SHISA9: variants seen among roughly 807,000 people sequenced by gnomAD.
SHISA9 encodes protein shisa-9.
In SHISA9, 13 loss-of-function variants were observed where a neutral mutation model predicts 38.0. That is an observed-to-expected ratio of 0.34 (90% confidence interval 0.22 to 0.54). The LOEUF (loss-of-function observed/expected upper bound fraction) is 0.54, where lower values mean the gene tolerates loss of function less well. SHISA9 is among the 20% of genes least tolerant of loss of function. SHISA9 has a pLI of 0.91. For synonymous variants in SHISA9, 275 were observed against 242.0 expected, an observed-to-expected ratio of 1.14 and a Z score of -1.27; for missense variants, 538 against 575.8, an observed-to-expected ratio of 0.93 and a Z score of 0.67.
intron 2 of SHISA9, among the ~76,000 whole-genome samples, chr16:13,144,423 T>A (rs2050429334): frequency 6.6e-6 from 1 of 152,096 alleles, no homozygotes; most frequent in Non-Finnish European, 1.5e-5. Flanking sequence ...AGTGCTGGGA[T>A]TACAGGTGTG....
intron 4 of SHISA9, among the ~76,000 whole-genome samples, chr16:13,230,298 G>C (rs1380103739): frequency 6.6e-6 from 1 of 152,156 alleles, no homozygotes; most frequent in African/African-American, 2.4e-5. Flanking sequence ...CTCAAAGACT[G>C]CAACATGGAG....
the SHISA9 span, among the ~76,000 whole-genome samples, chr16:13,270,404 G>A: frequency 6.6e-6 from 1 of 152,076 alleles, no homozygotes; most frequent in South Asian, 2.1e-4. Flanking sequence ...AAGCAGACTT[G>A]GAAACAGAAT....
chr16:13,281,898 C>A, the SHISA9 span, among the ~76,000 whole-genome samples: 1 of 151,624 alleles, frequency 6.6e-6, no homozygotes, highest in Non-Finnish European at 1.5e-5. Context: ...TTACCCAGCA[C>A]CCTTATGATG....
chr16:13,462,051 C>G, the SHISA9 span, among the ~76,000 whole-genome samples: 1 of 151,974 alleles, frequency 6.6e-6, no homozygotes, highest in Admixed American at 6.6e-5. Flanking sequence ...AGGAGGATCA[C>G]TTGAGGACAG....
the SHISA9 span, among the ~76,000 whole-genome samples, chr16:13,554,084 ATAAC>A: frequency 5.9e-3 from 891 of 152,260 alleles, 3 homozygotes; most frequent in Middle Eastern, 0.014. Flanking sequence ...ATAAAAAAAA[ATAAC>A]TAGCATCTAT....
At chr16:13,221,173 G>A (rs1022598533) in intron 4 of SHISA9, among the ~76,000 whole-genome samples, 2 of 152,170 alleles carry the variant, frequency 1.3e-5, no homozygotes, top group African/African-American at 4.8e-5. Context: ...GTGCCCCGTG[G>A]GGAGGGCCAG....
chr16:13,471,799 T>A, the SHISA9 span, among the ~76,000 whole-genome samples: 1 of 152,056 alleles, frequency 6.6e-6, no homozygotes, highest in Non-Finnish European at 1.5e-5. Context: ...CAGCCACAGA[T>A]AAGCAAAAGT....
chr16:13,361,637 C>G, the SHISA9 span, among the ~76,000 whole-genome samples: 2 of 152,170 alleles, frequency 1.3e-5, no homozygotes, highest in African/African-American at 2.4e-5. Flanking sequence ...AAACATGAAT[C>G]TTTTTCCTAA....
intron 2 of SHISA9, among the ~76,000 whole-genome samples, chr16:13,000,408 G>A (rs970259731): frequency 1.2e-4 from 18 of 152,160 alleles, no homozygotes; most frequent in African/African-American, 3.9e-4. Flanking sequence ...GCCTCAGACT[G>A]ATCCTGCGCA....
the SHISA9 span, among the ~76,000 whole-genome samples, chr16:13,495,826 C>T: frequency 1.6e-3 from 236 of 152,172 alleles, 1 homozygote; most frequent in Non-Finnish European, 3.7e-4. Context: ...GTACAAAACA[C>T]TTTAGAAACT....
intron 2 of SHISA9, among the ~76,000 whole-genome samples, chr16:13,023,026 A>T (rs1394401500): frequency 1.4e-5 from 2 of 142,822 alleles, no homozygotes; most frequent in African/African-American, 2.5e-5. Context: ...TTATTTATTT[A>T]TTTTTTATTA....
intron 1 of SHISA9, among the ~76,000 whole-genome samples, chr16:12,915,538 G>C (rs2071242415): frequency 6.6e-6 from 1 of 152,214 alleles, no homozygotes; most frequent in African/African-American, 2.4e-5. Flanking sequence ...TAACAAATGG[G>C]GCTGATAGTC....
intron 2 of SHISA9, among the ~76,000 whole-genome samples, chr16:13,187,825 C>T (rs1268330239): frequency 6.6e-6 from 1 of 152,250 alleles, no homozygotes; most frequent in Non-Finnish European, 1.5e-5. Flanking sequence ...AGGTTGTCGA[C>T]AAAGTAGCAT....
chr16:13,128,846 G>A (rs561741646), intron 2 of SHISA9, among the ~76,000 whole-genome samples: 3 of 152,288 alleles, frequency 2.0e-5, no homozygotes, highest in Non-Finnish European at 4.4e-5. Context: ...TACGTGTGTT[G>A]TACCCATGAT....
chr16:13,287,114 C>T, the SHISA9 span, among the ~76,000 whole-genome samples: 112 of 152,136 alleles, frequency 7.4e-4, 2 homozygotes, highest in South Asian at 0.022. Flanking sequence ...AATGTAAGTA[C>T]GTTATTTAAA....
Position 13,239,872 on chromosome 16 carries a change from G to A in SHISA9, c.*4463G>A, listed in dbSNP as rs1406920458. On this transcript the variant is annotated 3_prime_UTR_variant, in exon 5 of 5. Coordinates refer to ENST00000558583, the MANE Select transcript of SHISA9 (RefSeq NM_001145204.3). ...CATTTGTCAATTTTGGCTTCCTCTT[G>A]GGAGGGTAGACAGACCTCACAATAT... 6.6e-6 allele frequency: 1 copy of A among 152,082 alleles called. No homozygotes were observed. The highest frequency in any genetic ancestry group is 1.5e-5 in the Non-Finnish European group (1 of 68,038). 9.4% of individuals were successfully genotyped at this position (152,082 alleles called of 1,614,324 possible). A position where few individuals can be genotyped will look rare whatever the true frequency, so the allele number is the denominator to read the frequency against.
chr16:13,185,473 C>G (rs962639750), intron 2 of SHISA9, among the ~76,000 whole-genome samples: 10 of 152,058 alleles, frequency 6.6e-5, no homozygotes, highest in Non-Finnish European at 4.4e-5. Flanking sequence ...CAAAGTGCTA[C>G]GATTATAGTC....
At chr16:13,338,717 T>A in the SHISA9 span, among the ~76,000 whole-genome samples, 1 of 152,218 alleles carries the variant, frequency 6.6e-6, no homozygotes, top group East Asian at 1.9e-4. Context: ...CTAATACCTC[T>A]GAGCCTGTTA....
intron 4 of SHISA9, among the ~76,000 whole-genome samples, chr16:13,230,932 T>C (rs153083): frequency 0.82 from 125,267 of 152,102 alleles, 51,670 homozygotes; most frequent in East Asian, 0.92. Context: ...GACCAGAGGT[T>C]ACTCTCATGG....
Sources: gnomAD v4.1 joint callset for allele counts (sites outside exome capture counted in the v4.1 genomes callset) on GRCh38, gnomAD v4.1.1 for gene constraint, MANE v1.5 for transcripts, NCBI Gene and HGNC (gene_info 2026-07-23, HGNC 2026-07-21) for gene names.